Variants in FH observed in about 807,000 individuals in gnomAD.
The protein encoded by FH is fumarate hydratase, also known as fumarate hydratase, mitochondrial.
Under a neutral mutation model 49.4 loss-of-function variants are expected in FH, and 22 were observed. The ratio of observed to expected loss-of-function variants is 0.45; its 90% CI spans 0.32 to 0.64. FH has a LOEUF of 0.64. FH is among the 30% of genes least tolerant of loss of function. FH has a pLI of 0.05. For synonymous variants in FH, 208 were observed against 223.0 expected, an observed-to-expected ratio of 0.93 and a Z score of 0.60; for missense variants, 526 against 641.5, an observed-to-expected ratio of 0.82 and a Z score of 1.95.
In FH at chr1:241,500,587, T is replaced by G; in HGVS notation, c.1240A>C (p.Lys414Gln). 6.4e-7 allele frequency: 1 copy of G among 1,569,934 alleles called. No individual in the cohort carries two copies. Among genetic ancestry groups the G allele is most frequent in the Non-Finnish European group, 8.6e-7 (1 of 1,158,706 alleles). Residue 414 changes from lysine (K) to glutamine (Q), a missense_variant, in exon 9 of 10, where the codon AAA (lysine) becomes CAA (glutamine). By Grantham distance (53) the Lys-to-Gln change is moderately conservative (BLOSUM62 1). This residue lies in a region of FH where 383 missense variants were observed against 514.0 expected (regional missense o/e 0.75). Coordinates refer to ENST00000366560, the MANE Select transcript of FH (RefSeq NM_000143.4). ...AGCCTGGCTGAGTGTAACACATTTTTAATCTTTGAGTGAGTGAGAGAGAGA... is the reference window on the plus strand; with the variant it reads ...AGCCTGGCTGAGTGTAACACATTTTGAATCTTTGAGTGAGTGAGAGAGAGA... ...ELNVFKPMMIKNVLHSARLLG... is the reference protein window; with the variant it reads ...ELNVFKPMMIQNVLHSARLLG...
At chr1:241,511,894 C>T (rs2147921674) in intron 4 of FH, 73 bp downstream of exon 4, 1 of 1,429,180 alleles carries the variant, frequency 7.0e-7, no homozygotes, top group Middle Eastern at 1.8e-4. Context: ...AAAGTGAATG[C>T]TTGTTTTACA....
At chr1:241,510,037 T>C (rs1488458116) in intron 4 of FH, among the ~76,000 whole-genome samples, 2 of 152,184 alleles carry the variant, frequency 1.3e-5, no homozygotes, top group African/African-American at 2.4e-5. Context: ...TAACTCTACC[T>C]TTCTGAGGCA....
At chr1:241,498,120 C>G in intron 9 of FH, 150 bp from the exon 10 acceptor site, 1 of 716,992 alleles carries the variant, frequency 1.4e-6, no homozygotes, top group Non-Finnish European at 2.4e-6. Context: ...CAGTGATTAT[C>G]TCAATAATCA....
At position 241,504,187 on chromosome 1, in the gene FH, C is replaced by T; in HGVS notation, c.963G>A (p.Leu321=). 6.2e-7 allele frequency: 1 copy of T among 1,614,172 alleles called. No individual in the cohort carries two copies. Among genetic ancestry groups the T allele is most frequent in the South Asian group, 1.1e-5 (1 of 91,088 alleles). ...TGTTCATGGCTCCACTGAGCTCAAC[C>T]AGAGCGTCATGAGCAGCCAGAGCTT... ...KFEALAAHDA[L]VELSGAMNTT... is the part of the protein sequence containing the mutation. Residue 321 remains leucine (L), a synonymous_variant, in exon 7 of 10, where the codon CTG becomes CTA. Coordinates refer to ENST00000366560, the MANE Select transcript of FH (RefSeq NM_000143.4).
intron 8 of FH, among the ~76,000 whole-genome samples, chr1:241,500,904 G>A (rs932527253): frequency 5.3e-5 from 8 of 152,294 alleles, no homozygotes; most frequent in African/African-American, 1.9e-4. Context: ...CATAGAGAAA[G>A]AGAAATTAAC....
chr1:241,510,149 T>A (rs937263439), intron 4 of FH, among the ~76,000 whole-genome samples: 22 of 152,198 alleles, frequency 1.4e-4, no homozygotes, highest in African/African-American at 4.3e-4. Context: ...CACTTCTTCC[T>A]TACTACTTAA....
chr1:241,514,851 A>G (rs1052221446), intron 2 of FH, among the ~76,000 whole-genome samples: 30 of 152,318 alleles, frequency 2.0e-4, no homozygotes, highest in Non-Finnish European at 4.4e-4. Context: ...AAACACAAAA[A>G]CAAATGGGAA....
chr1:241,508,397 G>C (rs1372972247), intron 5 of FH, among the ~76,000 whole-genome samples: 1 of 152,146 alleles, frequency 6.6e-6, no homozygotes, highest in Non-Finnish European at 1.5e-5. Context: ...CGAGCAGTCT[G>C]ACTGAATCTG....
chr1:241,517,122 G>A lies in FH; in HGVS notation c.267+60C>T, dbSNP rs554089374. ...CTGAAAAATATTTATAAAGTAAAGT[G>A]ACTCATGAATACAGCCTACTTCATC... is the stretch of plus-strand genomic sequence containing the variant. On this transcript the variant is annotated intron_variant, in intron 2 of 9. Transcript: ENST00000366560. The A allele has an allele frequency of 3.1e-6, 5 of 1,595,284 alleles. No individual in the cohort carries two copies. The African/African-American group carries it at 6.7e-5, about 21-fold the overall frequency.
chr1:241,499,255 T>C (rs1486249517), intron 9 of FH, among the ~76,000 whole-genome samples: 1 of 152,064 alleles, frequency 6.6e-6, no homozygotes, highest in Non-Finnish European at 1.5e-5. Flanking sequence ...ACCCATCTCA[T>C]TCTCATATGG....
Position 241,507,878 on chromosome 1 carries a change from C to T in FH, c.738+725G>A, listed in dbSNP as rs145501575. Reference sequence around the variant, plus strand: ...TTCCTTCCATAAGGAAATTAAGCTACCCCAATTGGAGTGTGAGTTTACTAA... The same window carrying T: ...TTCCTTCCATAAGGAAATTAAGCTATCCCAATTGGAGTGTGAGTTTACTAA... On this transcript the variant is annotated intron_variant, in intron 5 of 9. Coordinates refer to ENST00000366560, the MANE Select transcript of FH (RefSeq NM_000143.4). 5.7e-3 allele frequency among the ~76,000 whole-genome samples: 873 copies of T among 152,252 alleles called. 10 individuals are homozygous for T. Among genetic ancestry groups the T allele is most frequent in the African/African-American group, 0.02 (834 of 41,536 alleles).
intron 8 of FH, among the ~76,000 whole-genome samples, chr1:241,501,805 T>C (rs1297587182): frequency 1.3e-5 from 2 of 152,128 alleles, no homozygotes; most frequent in East Asian, 1.9e-4. Flanking sequence ...TGATGAGAAA[T>C]GGCGCGATGC....
intron 9 of FH, among the ~76,000 whole-genome samples, chr1:241,499,769 T>A (rs1222013569): frequency 6.6e-6 from 1 of 152,168 alleles, no homozygotes; most frequent in Non-Finnish European, 1.5e-5. Context: ...TAATGCAACA[T>A]AATGCCTCAA....
At chr1:241,506,271 A>C (rs1350005320) in intron 5 of FH, 103 bp from the exon 6 acceptor site, 5 of 852,980 alleles carry the variant, frequency 5.9e-6, no homozygotes, top group Non-Finnish European at 9.2e-6. Flanking sequence ...CTTTCAGAAT[A>C]CTAAATTACA....
Position 241,513,595 on chromosome 1 carries a change from C to G in FH, c.378+8G>C, listed in dbSNP as rs1573886359. The G allele has an allele frequency of 6.2e-7, 1 of 1,602,922 alleles. No individual in the cohort carries two copies. Among genetic ancestry groups the G allele is most frequent in the South Asian group, 1.1e-5 (1 of 90,878 alleles). On this transcript the variant is annotated splice_region_variant and intron_variant, in intron 3 of 9. Coordinates refer to ENST00000366560, the MANE Select transcript of FH (RefSeq NM_000143.4). ...GGTTATTAAGCAAACACACTTATCA[C>G]CTCCTACCTCATCTGCTGCCTTCAT...
At chr1:241,502,205 G>T (rs548551026) in intron 8 of FH, among the ~76,000 whole-genome samples, 1 of 152,216 alleles carries the variant, frequency 6.6e-6, no homozygotes, top group African/African-American at 2.4e-5. Flanking sequence ...GGCTTGTAGG[G>T]AGGCATTTTA....
chr1:241,497,899 C>T lies in FH; in HGVS notation c.1462G>A (p.Glu488Lys), dbSNP rs201115573. The T allele has an allele frequency of 4.3e-5, 70 of 1,613,456 alleles. No homozygotes were observed. Among genetic ancestry groups the T allele is most frequent in the South Asian group, 5.5e-5 (5 of 91,054 alleles). Reference sequence around the variant, plus strand: ...TGCTCTGCTGTGAGATAGCCAAGTTCGATAGCAGTTTCCTTTAAGGTTGAT... The same window carrying T: ...TGCTCTGCTGTGAGATAGCCAAGTTTGATAGCAGTTTCCTTTAAGGTTGAT... ...NGSTLKETAI[E>K]LGYLTAEQFD... The change falls in exon 10 of 10, where the codon GAA becomes AAA. Residue 488 changes from glutamate (E) to lysine (K), a missense_variant. This residue lies in a region of FH where 383 missense variants were observed against 514.0 expected (regional missense o/e 0.75). Transcript: ENST00000366560.
intron 9 of FH, among the ~76,000 whole-genome samples, 160 bp from the exon 10 acceptor site, chr1:241,498,130 AT>A (rs1558395571): frequency 6.6e-6 from 1 of 152,146 alleles, no homozygotes; most frequent in African/African-American, 2.4e-5. Flanking sequence ...CTCAATAATC[AT>A]TTTTTATGTA....
intron 5 of FH, among the ~76,000 whole-genome samples, chr1:241,507,906 CA>C (rs1262159226): frequency 6.6e-6 from 1 of 152,100 alleles, no homozygotes; most frequent in Non-Finnish European, 1.5e-5. Flanking sequence ...TTTACTAAGA[CA>C]AAAGTCATTC....
Sources: gnomAD v4.1 joint callset for allele counts (sites outside exome capture counted in the v4.1 genomes callset) on GRCh38, gnomAD v4.1.1 for gene constraint, gnomAD v4.1.1 regional missense constraint, MANE v1.5 for transcripts, NCBI Gene and HGNC (gene_info 2026-07-23, HGNC 2026-07-21) for gene names.